The following GALNTL6 variants were observed in gnomAD, a reference collection of about 807,000 sequenced individuals.
GALNTL6 encodes polypeptide N-acetylgalactosaminyltransferase-like 6.
Under a neutral mutation model 73.7 loss-of-function variants are expected in GALNTL6, and 46 were observed. The ratio of observed to expected loss-of-function variants is 0.62; its 90% CI spans 0.49 to 0.80. The LOEUF is 0.80. Ranked by LOEUF, GALNTL6 falls within the 30% of genes least tolerant of loss-of-function variation. The pLI, the probability that GALNTL6 is intolerant of heterozygous loss-of-function variation, is 0.00. For synonymous variants in GALNTL6, 259 were observed against 263.7 expected (o/e 0.98, Z 0.17); for missense variants, 604 against 755.0 (o/e 0.80, Z 2.34).
At chr4:172,973,930 G>A (rs574431318) in intron 10 of GALNTL6, among the ~76,000 whole-genome samples, 6 of 152,266 alleles carry the variant, frequency 3.9e-5, no homozygotes, top group South Asian at 4.1e-4. Context: ...GAGGAAGTAC[G>A]TAAAATAATG....
intron 5 of GALNTL6, among the ~76,000 whole-genome samples, chr4:172,459,195 C>T (rs1732518606): frequency 6.6e-6 from 1 of 151,862 alleles, no homozygotes. Flanking sequence ...AATAAACTAA[C>T]CAGTGTTGGA....
intron 4 of GALNTL6, among the ~76,000 whole-genome samples, chr4:172,316,708 C>T (rs886411054): frequency 6.6e-6 from 1 of 152,184 alleles, no homozygotes; most frequent in Admixed American, 6.5e-5. Flanking sequence ...AAACGATTTG[C>T]TATGAAAACA....
chr4:172,187,868 G>T (rs766857914), intron 2 of GALNTL6, among the ~76,000 whole-genome samples: 28 of 152,076 alleles, frequency 1.8e-4, no homozygotes, highest in Non-Finnish European at 3.4e-4. Context: ...ACTTACATTA[G>T]TGGAATGTTT....
intron 3 of GALNTL6, among the ~76,000 whole-genome samples, chr4:172,259,368 CT>C (rs1206646369): frequency 1.3e-5 from 2 of 149,884 alleles, no homozygotes; most frequent in Non-Finnish European, 3.0e-5. Context: ...TGATGTTGAG[CT>C]TTTTTTATGT....
At chr4:172,490,553 G>A (rs1265167363) in intron 5 of GALNTL6, among the ~76,000 whole-genome samples, 1 of 152,036 alleles carries the variant, frequency 6.6e-6, no homozygotes, top group Non-Finnish European at 1.5e-5. Context: ...AACAGAGATG[G>A]CACAATATTT....
intron 5 of GALNTL6, among the ~76,000 whole-genome samples, chr4:172,379,726 C>A (rs1333622439): frequency 2.0e-5 from 3 of 151,876 alleles, no homozygotes; most frequent in Non-Finnish European, 4.4e-5. Context: ...TGACAACTAC[C>A]TTCATTCACA....
At position 172,441,297 on chromosome 4, in the gene GALNTL6, GTTATTA is replaced by G. The variant is rs375977658; in HGVS notation, c.553+92614_553+92619del. ...GTGACATATTATTTTCATTGCTATA[GTTATTA>G]TTATTTCTGTAAATCAAGAAATATT... On this transcript the variant is annotated intron_variant, in intron 5 of 12. Coordinates refer to ENST00000506823, the MANE Select transcript of GALNTL6 (RefSeq NM_001034845.3). 2.0e-5 allele frequency among the ~76,000 whole-genome samples: 3 copies of G among 151,982 alleles called. No individual in the cohort carries two copies. In the East Asian group the frequency reaches 5.8e-4, roughly 29 times the overall value.
At chr4:171,993,608 A>G (rs13137476) in intron 2 of GALNTL6, among the ~76,000 whole-genome samples, 103,663 of 151,908 alleles carry the variant, frequency 0.68, 38,241 homozygotes, top group Non-Finnish European at 0.82. Context: ...GGTTTAGATA[A>G]AACAATGTAC....
chr4:172,608,818 A>G (rs926506939), intron 5 of GALNTL6, among the ~76,000 whole-genome samples: 5 of 152,034 alleles, frequency 3.3e-5, no homozygotes, highest in African/African-American at 1.2e-4. Context: ...AGTGTTTTGT[A>G]ATTCTTGCTG....
intron 8 of GALNTL6, among the ~76,000 whole-genome samples, chr4:172,908,494 A>T (rs374548025): frequency 1.3e-5 from 2 of 152,014 alleles, no homozygotes; most frequent in South Asian, 4.1e-4. Flanking sequence ...AGCAGGGGGG[A>T]AATTTTCTAT....
At chr4:172,825,158 C>G (rs1335124951) in intron 7 of GALNTL6, among the ~76,000 whole-genome samples, 1 of 128,220 alleles carries the variant, frequency 7.8e-6, no homozygotes, top group Non-Finnish European at 1.6e-5. Context: ...TGGTCTAATA[C>G]TTCTTGGTAT....
intron 2 of GALNTL6, among the ~76,000 whole-genome samples, chr4:171,943,819 T>G (rs572254766): frequency 6.6e-6 from 1 of 152,254 alleles, no homozygotes; most frequent in Non-Finnish European, 1.5e-5. Context: ...CCCTTAGGAT[T>G]TCTATAGATT....
At chr4:172,382,229 A>G (rs1743309544) in intron 5 of GALNTL6, among the ~76,000 whole-genome samples, 1 of 151,552 alleles carries the variant, frequency 6.6e-6, no homozygotes, top group South Asian at 2.1e-4. Flanking sequence ...TTGGCCTCCC[A>G]AAGTGCTGGG....
chr4:171,823,958 C>A (rs761246788), intron 2 of GALNTL6, among the ~76,000 whole-genome samples: 1 of 150,210 alleles, frequency 6.7e-6, no homozygotes, highest in Non-Finnish European at 1.5e-5. Context: ...AATAAAACAA[C>A]AATAAAAGTA....
At chr4:171,868,037 A>G (rs993355017) in intron 2 of GALNTL6, among the ~76,000 whole-genome samples, 8 of 141,208 alleles carry the variant, frequency 5.7e-5, no homozygotes, top group Admixed American at 1.5e-4. Flanking sequence ...CCCAGGCTGG[A>G]GTGCAGTGGC....
At chr4:171,969,327 G>A (rs1360124360) in intron 2 of GALNTL6, among the ~76,000 whole-genome samples, 1 of 152,098 alleles carries the variant, frequency 6.6e-6, no homozygotes, top group Admixed American at 6.6e-5. Flanking sequence ...TTGCACTATG[G>A]CAAACACTGG....
chr4:172,065,068 T>C (rs1731318296), intron 2 of GALNTL6, among the ~76,000 whole-genome samples: 1 of 152,080 alleles, frequency 6.6e-6, no homozygotes, highest in South Asian at 2.1e-4. Context: ...TTAAAATATC[T>C]TAGAGTTGGT....
intron 5 of GALNTL6, among the ~76,000 whole-genome samples, chr4:172,729,387 A>T (rs6553645): frequency 6.6e-6 from 1 of 152,024 alleles, no homozygotes; most frequent in Non-Finnish European, 1.5e-5. Flanking sequence ...TTTTTAATCC[A>T]TTTTGATTTA....
At chr4:172,327,203 GT>G (rs1740972608) in intron 4 of GALNTL6, among the ~76,000 whole-genome samples, 1 of 151,996 alleles carries the variant, frequency 6.6e-6, no homozygotes. Flanking sequence ...TAATTGCATG[GT>G]TTTGAGAAAT....
Sources: allele counts gnomAD v4.1 joint callset (sites outside exome capture counted in the v4.1 genomes callset), GRCh38; gene constraint gnomAD v4.1.1; transcripts MANE v1.5; gene names NCBI Gene and HGNC (gene_info 2026-07-23, HGNC 2026-07-21).